Variants in DOCK1 observed in about 807,000 individuals in gnomAD.
The protein encoded by DOCK1 is dedicator of cytokinesis 1.
Under a neutral mutation model 262.7 loss-of-function variants are expected in DOCK1, and 138 were observed. The observed-to-expected ratio is 0.53, with a 90% CI of 0.46 to 0.61. DOCK1 has a LOEUF of 0.61. DOCK1 is among the 20% of genes least tolerant of loss of function. The probability of loss-of-function intolerance (pLI) is 0.00; values close to 1 mark genes in which losing one functional copy is unlikely to be tolerated. For missense variants in DOCK1, 1,908 were observed against 2,370.7 expected (o/e 0.80, Z 4.05); for synonymous variants, 866 against 867.4 (o/e 1.00, Z 0.03).
At chr10:127,357,343 C>T (rs1336297762) in intron 32 of DOCK1, among the ~76,000 whole-genome samples, 2 of 152,168 alleles carry the variant, frequency 1.3e-5, no homozygotes, top group African/African-American at 2.4e-5. Flanking sequence ...ATTTGTGCTA[C>T]GTGCCATGAT....
chr10:127,238,440 A>G (rs2134661885), intron 27 of DOCK1, among the ~76,000 whole-genome samples: 1 of 152,280 alleles, frequency 6.6e-6, no homozygotes, highest in African/African-American at 2.4e-5. Context: ...CCTCCTCTGG[A>G]CCAACCATTC....
chr10:127,049,852 TAAG>T (rs1418419835), intron 21 of DOCK1, among the ~76,000 whole-genome samples: 1 of 151,586 alleles, frequency 6.6e-6, no homozygotes, highest in Non-Finnish European at 1.5e-5. Context: ...GGTATTGGCA[TAAG>T]GACAGACAAA....
Position 127,299,350 on chromosome 10 carries a change from T to C in DOCK1, c.3045-39656T>C, listed in dbSNP as rs553974034. Among the ~76,000 whole-genome samples, 381 of 152,330 alleles carry C rather than the reference T, an allele frequency of 2.5e-3. 2 individuals carry two copies. Among genetic ancestry groups the C allele is most frequent in the African/African-American group, 8.8e-3 (365 of 41,584 alleles). On this transcript the variant is annotated intron_variant, in intron 29 of 51. Coordinates refer to ENST00000623213, the MANE Select transcript of DOCK1 (RefSeq NM_001290223.2). Reference sequence around the variant, plus strand: ...AACTCCTGACCTCAGATGATCCACCTGCCTCGGCCCTCCAAAGTGCTGGGA... The same window carrying C: ...AACTCCTGACCTCAGATGATCCACCCGCCTCGGCCCTCCAAAGTGCTGGGA...
intron 27 of DOCK1, among the ~76,000 whole-genome samples, chr10:127,241,328 A>T (rs545859071): frequency 9.3e-4 from 142 of 152,234 alleles, no homozygotes; most frequent in Middle Eastern, 3.4e-3. Flanking sequence ...CAAAAATAAT[A>T]ACAATAATAA....
At chr10:127,139,780 G>A (rs1004031935) in intron 27 of DOCK1, among the ~76,000 whole-genome samples, 3 of 152,088 alleles carry the variant, frequency 2.0e-5, no homozygotes, top group African/African-American at 7.2e-5. Context: ...CCAGGCTGTC[G>A]TAATTACTGA....
chr10:127,393,774 A>G (rs999249428), intron 38 of DOCK1, among the ~76,000 whole-genome samples: 4 of 152,040 alleles, frequency 2.6e-5, no homozygotes, highest in African/African-American at 9.7e-5. Context: ...ACCGTTTTTT[A>G]AAGTTTTGAA....
intron 1 of DOCK1, among the ~76,000 whole-genome samples, chr10:126,963,631 TTC>T (rs1311145847): frequency 0.13 from 5,470 of 41,166 alleles, 550 homozygotes; most frequent in African/African-American, 0.29. Context: ...TTCCCTTCCC[TTC>T]CCTTCCCTCC....
At chr10:127,164,429 C>T (rs1304623293) in intron 27 of DOCK1, among the ~76,000 whole-genome samples, 3 of 151,978 alleles carry the variant, frequency 2.0e-5, no homozygotes, top group Non-Finnish European at 4.4e-5. Context: ...GTGATCCACC[C>T]GCCTCGGCCT....
At chr10:127,370,235 G>A (rs896098745) in intron 33 of DOCK1, among the ~76,000 whole-genome samples, 2 of 152,174 alleles carry the variant, frequency 1.3e-5, no homozygotes, top group Admixed American at 1.3e-4. Context: ...TGGGCAAAGA[G>A]CAGCATTGTA....
chr10:126,950,869 C>T (rs1438234676), intron 1 of DOCK1, among the ~76,000 whole-genome samples: 4 of 151,988 alleles, frequency 2.6e-5, no homozygotes, highest in Non-Finnish European at 5.9e-5. Context: ...GATGGTGGTA[C>T]TGGTGATAGC....
intron 29 of DOCK1, among the ~76,000 whole-genome samples, chr10:127,264,978 A>G (rs2060302622): frequency 6.6e-6 from 1 of 152,188 alleles, no homozygotes; most frequent in South Asian, 2.1e-4. Context: ...CATGATGTAG[A>G]TCTTTATATA....
At position 127,260,514 on chromosome 10, in the gene DOCK1, GC is replaced by G. The variant is rs1353872100; in HGVS notation, c.3044+3087del. ...TAATCAAGGATTCCAGTACTGTGAG[GC>G]CAGGTCGTTGAGCAGTGTTTCCTCC... On this transcript the variant is annotated intron_variant, in intron 29 of 51. Transcript: ENST00000623213. 2.6e-5 allele frequency among the ~76,000 whole-genome samples: 4 copies of G among 152,142 alleles called. No homozygotes were observed. The East Asian group carries it at 7.7e-4, about 29-fold the overall frequency.
intron 23 of DOCK1, among the ~76,000 whole-genome samples, chr10:127,068,654 T>TACCTTCCAGA (rs1326475428): frequency 6.6e-6 from 1 of 152,236 alleles, no homozygotes; most frequent in East Asian, 1.9e-4. Flanking sequence ...GAGATTACAC[T>TACCTTCCAGA]GTTAGCATTT....
intron 29 of DOCK1, among the ~76,000 whole-genome samples, chr10:127,306,522 A>G (rs1422573392): frequency 6.6e-6 from 1 of 151,960 alleles, no homozygotes; most frequent in African/African-American, 2.4e-5. Context: ...GTGGCTCAGC[A>G]TCATACGTTA....
At position 127,373,849 on chromosome 10, in the gene DOCK1, A is replaced by G; in HGVS notation, c.3501A>G (p.Lys1167=). ...GAGGCAGAGGAGACGAACAGTACAA[A>G]GTGTTATTTGATAAAATGTAAGTGT... ...VEGGRGDEQY[K]VLFDKILLEH... is the part of the protein sequence containing the mutation. The change falls in exon 34 of 52, where the codon AAA becomes AAG. Residue 1167 remains lysine, a synonymous_variant. Coordinates refer to ENST00000623213, the MANE Select transcript of DOCK1 (RefSeq NM_001290223.2). 1 of 1,609,296 alleles carries G rather than the reference A, an allele frequency of 6.2e-7. No individual in the cohort carries two copies. The highest frequency in any genetic ancestry group is 8.5e-7 in the Non-Finnish European group (1 of 1,177,698).
At chr10:127,219,771 A>G (rs1415390025) in intron 27 of DOCK1, among the ~76,000 whole-genome samples, 1 of 151,804 alleles carries the variant, frequency 6.6e-6, no homozygotes, top group East Asian at 1.9e-4. Context: ...ACTTATTTCC[A>G]TTGCCAACCA....
intron 4 of DOCK1, among the ~76,000 whole-genome samples, chr10:126,987,261 C>T (rs2039470036): frequency 6.6e-6 from 1 of 152,114 alleles, no homozygotes; most frequent in Admixed American, 6.5e-5. Context: ...TATTATTTGC[C>T]TCTTTCATCT....
At chr10:127,374,307 C>A in intron 35 of DOCK1, 93 bp downstream of exon 35, 1 of 1,430,668 alleles carries the variant, frequency 7.0e-7, no homozygotes, top group Non-Finnish European at 9.2e-7. Flanking sequence ...GACAGTCAGC[C>A]ACGAAGCTTT....
intron 29 of DOCK1, among the ~76,000 whole-genome samples, chr10:127,301,760 A>G (rs1481933861): frequency 6.6e-6 from 1 of 152,060 alleles, no homozygotes; most frequent in Non-Finnish European, 1.5e-5. Flanking sequence ...AGCCTAGCCA[A>G]TATGGCAAAA....
Sources: allele counts gnomAD v4.1 joint callset (sites outside exome capture counted in the v4.1 genomes callset), GRCh38; gene constraint gnomAD v4.1.1; transcripts MANE v1.5; gene names NCBI Gene and HGNC (gene_info 2026-07-23, HGNC 2026-07-21).